TAFA2: variants seen among roughly 807,000 people sequenced by gnomAD.
TAFA2 encodes TAFA chemokine like family member 2, also known as chemokine-like protein TAFA-2.
In TAFA2, 7 loss-of-function variants were observed where a neutral mutation model predicts 18.8. That is an observed-to-expected ratio of 0.37 (90% confidence interval 0.21 to 0.70). TAFA2 has a LOEUF of 0.70. Among genes scored for constraint, TAFA2 ranks in the 30% least tolerant of loss-of-function variants. The pLI, the probability that TAFA2 is intolerant of heterozygous loss-of-function variation, is 0.53. For missense variants in TAFA2, 122 were observed against 158.1 expected (o/e 0.77, Z 1.23); for synonymous variants, 60 against 54.2 (o/e 1.11, Z -0.47).
At chr12:62,171,611 T>C (rs2062478548) in intron 1 of TAFA2, among the ~76,000 whole-genome samples, 1 of 152,190 alleles carries the variant, frequency 6.6e-6, no homozygotes, top group South Asian at 2.1e-4. Context: ...CTTTTCACCA[T>C]GTGAGGACAC....
At position 61,970,192 on chromosome 12, in the gene TAFA2, A is replaced by G. The variant is rs570461579; in HGVS notation, c.-1-102766T>C. 2.0e-5 allele frequency among the ~76,000 whole-genome samples: 3 copies of G among 151,794 alleles called. No individual in the cohort carries two copies. The South Asian group carries it at 6.2e-4, about 31-fold the overall frequency. On this transcript the variant is annotated intron_variant, in intron 1 of 4. Transcript: ENST00000416284. The stretch of plus-strand genomic sequence containing the variant: ...ACACTAAGAGCAAAAAAGAATAACT[A>G]AGAAATCAAAAAATTAATTAGCTAA...
chr12:62,134,169 T>C lies in TAFA2; in HGVS notation c.-2+57090A>G, dbSNP rs575439422. On this transcript the variant is annotated intron_variant, in intron 1 of 4. Transcript: ENST00000416284. Reference sequence around the variant, plus strand: ...AAGTGCTGCTTCCTCCACCAAGTCATCCCTGACAAACCTACAGCCTTTCCC... The same window carrying C: ...AAGTGCTGCTTCCTCCACCAAGTCACCCCTGACAAACCTACAGCCTTTCCC... 7.2e-5 allele frequency among the ~76,000 whole-genome samples: 11 copies of C among 151,966 alleles called. No homozygotes were observed. The South Asian group carries it at 1.9e-3, about 26-fold the overall frequency.
chr12:62,142,830 T>G (rs1323745923), intron 1 of TAFA2, among the ~76,000 whole-genome samples: 1 of 152,228 alleles, frequency 6.6e-6, no homozygotes, highest in African/African-American at 2.4e-5. Context: ...ATGTTTAATA[T>G]TTACTGGATT....
chr12:61,934,545 C>G (rs879364680), intron 1 of TAFA2, among the ~76,000 whole-genome samples: 1 of 152,158 alleles, frequency 6.6e-6, no homozygotes, highest in Non-Finnish European at 1.5e-5. Context: ...AAACTGAACT[C>G]TGATATTTAA....
intron 1 of TAFA2, among the ~76,000 whole-genome samples, chr12:62,113,714 C>T (rs1316127031): frequency 6.6e-6 from 1 of 152,174 alleles, no homozygotes; most frequent in Non-Finnish European, 1.5e-5. Flanking sequence ...AATAGAGAGG[C>T]AGTCTGGCTA....
chr12:61,863,203 C>T (rs74098427), intron 2 of TAFA2, among the ~76,000 whole-genome samples: 1,534 of 152,264 alleles, frequency 0.01, 26 homozygotes, highest in African/African-American at 0.035. Context: ...GTGCTCCTTA[C>T]ACTGATAGAC....
chr12:61,969,365 A>C (rs978624441), intron 1 of TAFA2, among the ~76,000 whole-genome samples: 1 of 151,754 alleles, frequency 6.6e-6, no homozygotes, highest in African/African-American at 2.4e-5. Flanking sequence ...CAACAGTTGA[A>C]CACAGGCTAA....
chr12:61,992,391 A>G (rs1311067585), intron 1 of TAFA2, among the ~76,000 whole-genome samples: 1 of 152,192 alleles, frequency 6.6e-6, no homozygotes, highest in Non-Finnish European at 1.5e-5. Context: ...AGTAAAGCCT[A>G]TAAGCTCTTT....
intron 1 of TAFA2, among the ~76,000 whole-genome samples, chr12:61,891,546 G>A (rs11614844): frequency 0.04 from 6,082 of 152,178 alleles, 234 homozygotes; most frequent in Non-Finnish European, 0.057. Context: ...TACTAGGGAG[G>A]CTGAGGCAGG....
intron 1 of TAFA2, among the ~76,000 whole-genome samples, chr12:61,921,377 A>G (rs1300583210): frequency 2.0e-5 from 3 of 152,202 alleles, no homozygotes; most frequent in Non-Finnish European, 4.4e-5. Flanking sequence ...AGGTAGAGCA[A>G]GAAGACTCCC....
At chr12:62,062,500 C>A (rs920201324) in intron 1 of TAFA2, among the ~76,000 whole-genome samples, 1 of 152,154 alleles carries the variant, frequency 6.6e-6, no homozygotes, top group African/African-American at 2.4e-5. Context: ...TGGCCTCTTT[C>A]CACTCTGAGG....
intron 1 of TAFA2, among the ~76,000 whole-genome samples, chr12:61,921,972 A>C (rs1476647642): frequency 1.3e-5 from 2 of 152,210 alleles, no homozygotes; most frequent in Non-Finnish European, 2.9e-5. Flanking sequence ...TAACTATTTC[A>C]AATGCTGTTA....
At chr12:62,030,296 G>A (rs1881422504) in intron 1 of TAFA2, among the ~76,000 whole-genome samples, 1 of 152,028 alleles carries the variant, frequency 6.6e-6, no homozygotes, top group South Asian at 2.1e-4. Flanking sequence ...ATGGAGAAGT[G>A]GAATCCTAGG....
chr12:61,775,245 G>T (rs578114747), intron 2 of TAFA2, among the ~76,000 whole-genome samples: 1 of 151,714 alleles, frequency 6.6e-6, no homozygotes, highest in East Asian at 1.9e-4. Flanking sequence ...AAGACAATAC[G>T]GTAGTTTCAT....
At chr12:61,948,264 G>A (rs1878349337) in intron 1 of TAFA2, among the ~76,000 whole-genome samples, 2 of 152,122 alleles carry the variant, frequency 1.3e-5, no homozygotes, top group African/African-American at 2.4e-5. Flanking sequence ...AAGAGGTTAA[G>A]TAACTTTCAC....
chr12:62,256,829 T>C (rs1355991692), intron 1 of TAFA2, among the ~76,000 whole-genome samples: 1 of 152,204 alleles, frequency 6.6e-6, no homozygotes, highest in Non-Finnish European at 1.5e-5. Flanking sequence ...CTTTACTACA[T>C]GCTATTTTGG....
intron 1 of TAFA2, among the ~76,000 whole-genome samples, chr12:62,215,889 C>G (rs1038819315): frequency 3.9e-5 from 6 of 152,078 alleles, no homozygotes; most frequent in Admixed American, 1.3e-4. Flanking sequence ...TCATGAGCAT[C>G]AAATGAAATT....
intron 1 of TAFA2, among the ~76,000 whole-genome samples, chr12:61,897,768 C>A (rs1189652079): frequency 6.6e-6 from 1 of 152,162 alleles, no homozygotes; most frequent in East Asian, 1.9e-4. Context: ...TGCCCCTGGC[C>A]TCTCCCAAGT....
At chr12:61,930,809 T>C (rs1465473406) in intron 1 of TAFA2, among the ~76,000 whole-genome samples, 1 of 152,236 alleles carries the variant, frequency 6.6e-6, no homozygotes, top group African/African-American at 2.4e-5. Flanking sequence ...TTCCCATGAA[T>C]AGCAATGTCT....
Sources: allele counts gnomAD v4.1 joint callset (sites outside exome capture counted in the v4.1 genomes callset), GRCh38; gene constraint gnomAD v4.1.1; transcripts MANE v1.5; gene names NCBI Gene and HGNC (gene_info 2026-07-23, HGNC 2026-07-21).